The following SLC6A11 variants were observed in gnomAD, a reference collection of about 807,000 sequenced individuals.
The protein encoded by SLC6A11 is solute carrier family 6 member 11, also known as sodium- and chloride-dependent GABA transporter 3.
Under a neutral mutation model 74.8 loss-of-function variants are expected in SLC6A11, and 25 were observed. The ratio of observed to expected loss-of-function variants is 0.33; its 90% CI spans 0.24 to 0.47. The LOEUF (loss-of-function observed/expected upper bound fraction) is 0.47, where lower values mean the gene tolerates loss of function less well. Among genes scored for constraint, SLC6A11 ranks in the 20% least tolerant of loss-of-function variants. The pLI is 1.00. For missense variants in SLC6A11, 574 were observed against 837.0 expected, an observed-to-expected ratio of 0.69 and a Z score of 3.88; for synonymous variants, 330 against 330.2, an observed-to-expected ratio of 1.00 and a Z score of 0.01.
At chr3:10,882,478 C>A (rs1185126344) in intron 6 of SLC6A11, among the ~76,000 whole-genome samples, 1 of 152,194 alleles carries the variant, frequency 6.6e-6, no homozygotes, top group Non-Finnish European at 1.5e-5. Context: ...GTTCTCCACC[C>A]ACTAGGATGT....
chr3:10,892,778 A>T (rs1695123008), intron 6 of SLC6A11, among the ~76,000 whole-genome samples: 1 of 152,166 alleles, frequency 6.6e-6, no homozygotes, highest in African/African-American at 2.4e-5. Context: ...TGTGGTCATG[A>T]GAAGATTTTT....
At chr3:10,867,044 G>A (rs1422448721) in intron 5 of SLC6A11, among the ~76,000 whole-genome samples, 1 of 152,212 alleles carries the variant, frequency 6.6e-6, no homozygotes, top group East Asian at 1.9e-4. Flanking sequence ...GATTGTCTAG[G>A]GATTGGATGT....
chr3:10,848,779 G>C (rs540565120), intron 5 of SLC6A11, among the ~76,000 whole-genome samples: 11 of 152,314 alleles, frequency 7.2e-5, no homozygotes, highest in African/African-American at 2.6e-4. Context: ...GATTCTCATG[G>C]CTGAGAATAT....
chr3:10,857,596 A>G (rs533157900), intron 5 of SLC6A11, among the ~76,000 whole-genome samples: 1 of 152,322 alleles, frequency 6.6e-6, no homozygotes, highest in Admixed American at 6.5e-5. Flanking sequence ...CTTATCCTGA[A>G]TCACAATTAA....
rs1439569351 is a variant in SLC6A11 at position 10,938,422 on chromosome 3, G to A, written c.*20G>A. The A allele has an allele frequency of 3.2e-6, 5 of 1,570,658 alleles. No individual in the cohort carries two copies. In the South Asian group the frequency reaches 3.5e-5, roughly 11 times the overall value. On this transcript the variant is annotated 3_prime_UTR_variant, in exon 14 of 14. Transcript: ENST00000254488. The stretch of plus-strand genomic sequence containing the variant: ...TTCTGAGCGGCCACCAGCCATCTGG[G>A]GCTCTTCTTCCTTTCTTCCCCCCGT...
intron 10 of SLC6A11, among the ~76,000 whole-genome samples, 164 bp downstream of exon 10, chr3:10,929,503 C>T (rs1695655804): frequency 6.6e-6 from 1 of 152,154 alleles, no homozygotes; most frequent in Non-Finnish European, 1.5e-5. Context: ...TGGAAGTTCT[C>T]ATCAGGCCCT....
At chr3:10,886,025 G>A (rs1302916703) in intron 6 of SLC6A11, among the ~76,000 whole-genome samples, 1 of 152,170 alleles carries the variant, frequency 6.6e-6, no homozygotes. Context: ...GAGACTGCAT[G>A]CTATGCTCAG....
intron 6 of SLC6A11, among the ~76,000 whole-genome samples, chr3:10,902,549 A>C (rs371552259): frequency 6.6e-6 from 1 of 152,350 alleles, no homozygotes; most frequent in Non-Finnish European, 1.5e-5. Context: ...CACACTTTAC[A>C]TTCATTATGT....
intron 6 of SLC6A11, among the ~76,000 whole-genome samples, chr3:10,909,542 C>T (rs1043080946): frequency 6.6e-6 from 1 of 152,196 alleles, no homozygotes; most frequent in African/African-American, 2.4e-5. Flanking sequence ...GGGGAGCCAG[C>T]TCTCCCACAA....
chr3:10,935,440 T>A, intron 13 of SLC6A11: 1 of 510,748 alleles, frequency 2.0e-6, no homozygotes, highest in Non-Finnish European at 3.5e-6. Flanking sequence ...TAAAATGGGA[T>A]AACCACAGTA....
At chr3:10,823,565 T>G in intron 4 of SLC6A11, 173 bp downstream of exon 4, 1 of 579,966 alleles carries the variant, frequency 1.7e-6, no homozygotes, top group Non-Finnish European at 3.1e-6. Context: ...CTTCAGAGGT[T>G]TCCCAAAGGG....
chr3:10,870,846 G>A (rs1180595307), intron 5 of SLC6A11, among the ~76,000 whole-genome samples: 3 of 152,136 alleles, frequency 2.0e-5, no homozygotes, highest in African/African-American at 7.2e-5. Context: ...CTGGGCTAAT[G>A]CCTGCCAGCC....
chr3:10,838,228 C>T (rs988085642), intron 4 of SLC6A11, among the ~76,000 whole-genome samples: 1 of 152,366 alleles, frequency 6.6e-6, no homozygotes, highest in Non-Finnish European at 1.5e-5. Flanking sequence ...GGCAAACCAG[C>T]CCTTGTGCTG....
At chr3:10,870,813 C>T (rs1388967112) in intron 5 of SLC6A11, among the ~76,000 whole-genome samples, 13 of 152,202 alleles carry the variant, frequency 8.5e-5, no homozygotes, top group Non-Finnish European at 1.9e-4. Context: ...GGCTCTCAAA[C>T]CTCAGCTTAC....
chr3:10,865,607 G>T lies in SLC6A11; in HGVS notation c.757-9354G>T, dbSNP rs1242042102. On this transcript the variant is annotated intron_variant, in intron 5 of 13. Coordinates refer to ENST00000254488, the MANE Select transcript of SLC6A11 (RefSeq NM_014229.3). ...GAATCCAGGAGGTGGAGGCTGCAGT[G>T]AGCCAAGATCACACCACTGCACTCC... is the stretch of plus-strand genomic sequence containing the variant. Among the ~76,000 whole-genome samples, 4 of 152,228 alleles carry T rather than the reference G, an allele frequency of 2.6e-5. No homozygotes were observed. In the East Asian group the frequency reaches 7.7e-4, roughly 29 times the overall value.
Position 10,918,220 on chromosome 3 carries a change from C to T in SLC6A11, c.996-109C>T. ...AAAAACAGAGCTCCCTGTGCCTGCA[C>T]TTCCCTGCCTGCCTCACAGGACAGC... On this transcript the variant is annotated intron_variant, in intron 7 of 13. Coordinates refer to ENST00000254488, the MANE Select transcript of SLC6A11 (RefSeq NM_014229.3). This position sits in a 1 kb window ranked among gnomAD's most constrained non-coding sequence, Gnocchi z 4.5. 2 of 1,302,774 alleles carry T rather than the reference C, an allele frequency of 1.5e-6. No homozygotes were observed. Among genetic ancestry groups the T allele is most frequent in the East Asian group, 2.8e-5 (1 of 35,848 alleles). 80.7% of individuals were successfully genotyped at this position (1,302,774 alleles called of 1,614,324 possible). A position where few individuals can be genotyped will look rare whatever the true frequency, so the allele number is the denominator to read the frequency against.
chr3:10,840,601 T>C (rs1422265416), intron 4 of SLC6A11, among the ~76,000 whole-genome samples: 1 of 152,170 alleles, frequency 6.6e-6, no homozygotes, highest in Non-Finnish European at 1.5e-5. Context: ...TACAATCCTC[T>C]CTCCTAGTAC....
intron 5 of SLC6A11, among the ~76,000 whole-genome samples, chr3:10,855,599 A>G (rs1427422114): frequency 6.6e-6 from 1 of 152,160 alleles, no homozygotes; most frequent in Non-Finnish European, 1.5e-5. Flanking sequence ...CATGAGACAA[A>G]TATTAAGCCT....
intron 7 of SLC6A11, among the ~76,000 whole-genome samples, chr3:10,912,463 G>T (rs1695400044): frequency 6.6e-6 from 1 of 152,200 alleles, no homozygotes. Flanking sequence ...ACCTCGTATG[G>T]TAAAGACGTA....
Sources: gnomAD v4.1 joint callset for allele counts (sites outside exome capture counted in the v4.1 genomes callset) on GRCh38, gnomAD v4.1.1 for gene constraint, Gnocchi (gnomAD v3.1) non-coding constraint, MANE v1.5 for transcripts, NCBI Gene and HGNC (gene_info 2026-07-23, HGNC 2026-07-21) for gene names.